Variants in BICRAL observed in about 807,000 individuals in gnomAD.
BICRAL encodes the protein BICRA like chromatin remodeling complex associated protein, also known as BRD4-interacting chromatin-remodeling complex-associated protein-like.
Under a neutral mutation model 91.8 loss-of-function variants are expected in BICRAL, and 8 were observed. The ratio of observed to expected loss-of-function variants is 0.09; its 90% confidence interval spans 0.05 to 0.16. BICRAL has a LOEUF of 0.16. BICRAL is among the 10% of genes least tolerant of loss of function. The pLI, the probability that BICRAL is intolerant of heterozygous loss-of-function variation, is 1.00. For synonymous variants in BICRAL, 445 were observed against 491.1 expected (o/e 0.91, Z 1.24); for missense variants, 1,038 against 1,310.9 (o/e 0.79, Z 3.21).
intron 1 of BICRAL, among the ~76,000 whole-genome samples, chr6:42,792,565 G>A (rs762014207): frequency 3.3e-4 from 50 of 151,872 alleles, no homozygotes; most frequent in East Asian, 5.8e-4. Context: ...AAGCCACTCC[G>A]CTTGGCCTAG....
At chr6:42,856,231 A>T (rs1490187030) in intron 9 of BICRAL, among the ~76,000 whole-genome samples, 2 of 151,712 alleles carry the variant, frequency 1.3e-5, no homozygotes, top group Admixed American at 1.3e-4. Context: ...GTGGGAGGAT[A>T]GCTTGAGTTC....
intron 5 of BICRAL, among the ~76,000 whole-genome samples, chr6:42,825,974 T>G (rs1465984138): frequency 6.6e-6 from 1 of 150,766 alleles, no homozygotes; most frequent in Non-Finnish European, 1.5e-5. Flanking sequence ...TCCCAGCTAC[T>G]TGGGTGGCTG....
In BICRAL at chr6:42,860,705, G is replaced by A. The variant is rs1174927691; in HGVS notation, c.2349+349G>A. 9.2e-5 allele frequency among the ~76,000 whole-genome samples: 14 copies of A among 152,230 alleles called. No individual in the cohort carries two copies. In the South Asian group the frequency reaches 1.7e-3, roughly 18 times the overall value. On this transcript the variant is annotated intron_variant, in intron 11 of 12. Transcript: ENST00000314073. ...GGTCCACACTCTGATGCCATCTACC[G>A]CCTTTCACCAACCCAGAGATGTGGG... is the stretch of plus-strand genomic sequence containing the variant.
chr6:42,753,407 G>A lies in BICRAL; in HGVS notation c.-261+6384G>A, dbSNP rs78019970. 7.7e-3 allele frequency among the ~76,000 whole-genome samples: 1,170 copies of A among 152,158 alleles called. 24 individuals carry two copies. Among genetic ancestry groups the A allele is most frequent in the East Asian group, 0.048 (249 of 5,148 alleles). Reference sequence around the variant, plus strand: ...AAGAGTTACAAGGAGCCCACTAGTGGTGGGGGTTGCCTTGTTGGGATGGTC... The same window carrying A: ...AAGAGTTACAAGGAGCCCACTAGTGATGGGGGTTGCCTTGTTGGGATGGTC... On this transcript the variant is annotated intron_variant, in intron 1 of 14. Coordinates refer to the BICRAL transcript ENST00000614467.
chr6:42,786,428 C>T (rs547081860), intron 1 of BICRAL, among the ~76,000 whole-genome samples: 1 of 151,928 alleles, frequency 6.6e-6, no homozygotes, highest in Non-Finnish European at 1.5e-5. Context: ...TGGTAAATGC[C>T]AAAGTAATTA....
At chr6:42,831,745 C>CT (rs34966748) in intron 6 of BICRAL, among the ~76,000 whole-genome samples, 55,003 of 144,648 alleles carry the variant, frequency 0.38, 10,685 homozygotes, top group South Asian at 0.48. Flanking sequence ...ATTTCAAAAT[C>CT]TTTTTTTTTT....
rs762017513 is a variant in BICRAL, at chr6:42,828,603, G to A, written c.270G>A (p.Glu90=). 24 of 1,614,050 alleles carry A rather than the reference G, an allele frequency of 1.5e-5. No individual in the cohort carries two copies. Among genetic ancestry groups the A allele is most frequent in the Non-Finnish European group, 2.0e-5 (24 of 1,179,998 alleles). Residue 90 remains glutamate (E), a synonymous_variant, in exon 6 of 13, where the codon GAG becomes GAA. Coordinates refer to ENST00000314073, the MANE Select transcript of BICRAL (RefSeq NM_001393499.1). ...SSLQFLEDEL[E]SSPLPDLTED... ...TCCAGTTTCTTGAAGATGAACTCGA[G>A]TCTTCTCCTCTTCCTGATCTCACTG...
chr6:42,761,628 C>T (rs1317455050), intron 1 of BICRAL, among the ~76,000 whole-genome samples: 1 of 151,932 alleles, frequency 6.6e-6, no homozygotes, highest in African/African-American at 2.4e-5. Flanking sequence ...TACTTCTTGG[C>T]TGGGCACAGT....
chr6:42,778,874 A>G (rs933682776), upstream of BICRAL, among the ~76,000 whole-genome samples: 7 of 151,832 alleles, frequency 4.6e-5, no homozygotes, highest in South Asian at 2.1e-4. Flanking sequence ...CTGGAGTGCA[A>G]TGGCGCAATC....
intron 1 of BICRAL, among the ~76,000 whole-genome samples, chr6:42,785,075 C>T (rs1025225648): frequency 6.6e-6 from 1 of 152,066 alleles, no homozygotes; most frequent in Non-Finnish European, 1.5e-5. Context: ...TTTTGTTTTT[C>T]CTCTTGTAGC....
intron 1 of BICRAL, among the ~76,000 whole-genome samples, chr6:42,807,564 G>A (rs1377797162): frequency 6.6e-6 from 1 of 151,046 alleles, no homozygotes; most frequent in Non-Finnish European, 1.5e-5. Flanking sequence ...AAAAGATACA[G>A]ATTCTTTTTT....
intron 1 of BICRAL, among the ~76,000 whole-genome samples, chr6:42,794,706 T>G (rs1011830388): frequency 2.0e-5 from 3 of 151,174 alleles, no homozygotes; most frequent in African/African-American, 4.9e-5. Context: ...CCTAGCAGTT[T>G]GCGAGGCTGA....
At chr6:42,784,263 G>A (rs550927721) in intron 1 of BICRAL, among the ~76,000 whole-genome samples, 2 of 152,308 alleles carry the variant, frequency 1.3e-5, no homozygotes, top group South Asian at 4.1e-4. Flanking sequence ...ATTATTAAAA[G>A]CATCCATGTA....
intron 1 of BICRAL, among the ~76,000 whole-genome samples, chr6:42,757,712 A>G (rs1023916122): frequency 6.6e-6 from 1 of 152,230 alleles, no homozygotes; most frequent in African/African-American, 2.4e-5. Flanking sequence ...GGCATTTGCT[A>G]TGTGCCAGGA....
At chr6:42,759,755 C>T (rs1297186805) in intron 1 of BICRAL, among the ~76,000 whole-genome samples, 1 of 152,200 alleles carries the variant, frequency 6.6e-6, no homozygotes, top group African/African-American at 2.4e-5. Context: ...TAAATTCCTC[C>T]TCTTCTGGGA....
chr6:42,767,350 A>G (rs1728882671), intron 1 of BICRAL, among the ~76,000 whole-genome samples: 1 of 152,142 alleles, frequency 6.6e-6, no homozygotes, highest in Non-Finnish European at 1.5e-5. Flanking sequence ...TGCCTCATGT[A>G]AAAGTTTTTT....
chr6:42,767,957 G>A (rs182169690), intron 1 of BICRAL, among the ~76,000 whole-genome samples: 434 of 152,296 alleles, frequency 2.8e-3, no homozygotes, highest in African/African-American at 0.01. Flanking sequence ...TGGAGGAGGC[G>A]TGGTGGAAGA....
chr6:42,847,607 G>A (rs536606147), intron 6 of BICRAL, among the ~76,000 whole-genome samples: 1 of 150,572 alleles, frequency 6.6e-6, no homozygotes, highest in East Asian at 2.0e-4. Flanking sequence ...GGAAGACCTC[G>A]TCTCTACAAA....
intron 1 of BICRAL, among the ~76,000 whole-genome samples, chr6:42,747,562 A>G (rs1250218219): frequency 6.6e-6 from 1 of 152,044 alleles, no homozygotes; most frequent in African/African-American, 2.4e-5. Context: ...ACACACATAA[A>G]TTGCTGGGCC....
Sources: gnomAD v4.1 joint callset for allele counts (sites outside exome capture counted in the v4.1 genomes callset) on GRCh38, gnomAD v4.1.1 for gene constraint, MANE v1.5 for transcripts, NCBI Gene and HGNC (gene_info 2026-07-23, HGNC 2026-07-21) for gene names.